The following KCNIP4 variants were observed in gnomAD, a reference collection of about 807,000 sequenced individuals.
KCNIP4 encodes the protein potassium voltage-gated channel interacting protein 4, also known as Kv channel-interacting protein 4.
Under a neutral mutation model 34.0 loss-of-function variants are expected in KCNIP4, and 12 were observed. That is an observed-to-expected ratio of 0.35 (90% CI 0.23 to 0.57). The LOEUF is 0.57. Among genes scored for constraint, KCNIP4 ranks in the 20% least tolerant of loss-of-function variants. The probability of loss-of-function intolerance (pLI) is 0.83; values close to 1 mark genes in which losing one functional copy is unlikely to be tolerated. For synonymous variants in KCNIP4, 124 were observed against 102.2 expected (o/e 1.21, Z -1.29); for missense variants, 238 against 311.7 (o/e 0.76, Z 1.78).
At chr4:21,691,964 C>T (rs1001071303) in intron 1 of KCNIP4, among the ~76,000 whole-genome samples, 8 of 152,140 alleles carry the variant, frequency 5.3e-5, no homozygotes, top group African/African-American at 1.9e-4. Context: ...TCCCAAAGTG[C>T]CGGGATTACA....
chr4:21,076,375 C>T (rs1560699960), intron 1 of KCNIP4, among the ~76,000 whole-genome samples: 2 of 152,066 alleles, frequency 1.3e-5, no homozygotes, highest in South Asian at 2.1e-4. Flanking sequence ...TGTTATGGCT[C>T]TTATAGCCTG....
At chr4:21,266,731 A>T (rs116825893) in intron 1 of KCNIP4, among the ~76,000 whole-genome samples, 1,551 of 152,334 alleles carry the variant, frequency 0.01, 23 homozygotes, top group South Asian at 0.019. Flanking sequence ...ATAGCTGGAA[A>T]ATAAAGCACA....
At chr4:20,876,089 T>C (rs865816173) in intron 2 of KCNIP4, among the ~76,000 whole-genome samples, 11 of 152,208 alleles carry the variant, frequency 7.2e-5, no homozygotes, top group Non-Finnish European at 1.6e-4. Flanking sequence ...TCTAATTTAG[T>C]GAATCAATTA....
chr4:21,152,549 A>G (rs1300549656), intron 1 of KCNIP4, among the ~76,000 whole-genome samples: 3 of 151,634 alleles, frequency 2.0e-5, no homozygotes, highest in Non-Finnish European at 4.4e-5. Context: ...CACTTTTCTA[A>G]TGCAGACATC....
intron 1 of KCNIP4, among the ~76,000 whole-genome samples, chr4:21,233,995 GTATAATATATAACATA>G (rs1329388881): frequency 2.1e-5 from 2 of 94,782 alleles, no homozygotes; most frequent in Non-Finnish European, 4.0e-5. Context: ...CATATAACAT[GTATAATATATAACATA>G]TATAACATAT....
intron 1 of KCNIP4, among the ~76,000 whole-genome samples, chr4:21,471,905 A>G (rs1730499191): frequency 6.6e-6 from 1 of 152,190 alleles, no homozygotes; most frequent in African/African-American, 2.4e-5. Flanking sequence ...AAACCATTTA[A>G]TCGATTTCTA....
At chr4:21,218,088 T>C (rs974527034) in intron 1 of KCNIP4, among the ~76,000 whole-genome samples, 1 of 151,806 alleles carries the variant, frequency 6.6e-6, no homozygotes, top group East Asian at 1.9e-4. Context: ...GGATCTCGGC[T>C]ACCCACAACC....
At chr4:21,028,401 C>T (rs931803821) in intron 1 of KCNIP4, among the ~76,000 whole-genome samples, 2 of 152,188 alleles carry the variant, frequency 1.3e-5, no homozygotes, top group Admixed American at 6.5e-5. Flanking sequence ...CTTAAAACTG[C>T]ACACATGACC....
At chr4:20,952,284 T>C (rs970701633) in intron 1 of KCNIP4, among the ~76,000 whole-genome samples, 1 of 152,146 alleles carries the variant, frequency 6.6e-6, no homozygotes, top group African/African-American at 2.4e-5. Context: ...AGAAACAGAT[T>C]ATATCTAGGC....
chr4:20,796,135 G>C (rs538366398), intron 3 of KCNIP4, among the ~76,000 whole-genome samples: 2 of 152,068 alleles, frequency 1.3e-5, no homozygotes, highest in Admixed American at 1.3e-4. Flanking sequence ...TTTCTTCTTT[G>C]ATCTTAAAGA....
intron 1 of KCNIP4, among the ~76,000 whole-genome samples, chr4:20,959,717 C>CAGAAGGGTT (rs1733664315): frequency 6.6e-6 from 1 of 152,128 alleles, no homozygotes; most frequent in Non-Finnish European, 1.5e-5. Flanking sequence ...TCTCTTCCCA[C>CAGAAGGGTT]CTTGAACCCT....
chr4:21,033,476 G>A (rs187185169), intron 1 of KCNIP4, among the ~76,000 whole-genome samples: 142 of 152,208 alleles, frequency 9.3e-4, no homozygotes, highest in African/African-American at 3.3e-3. Context: ...AATATCCATC[G>A]GTCTATTGCA....
At position 21,595,260 on chromosome 4, in the gene KCNIP4, T is replaced by C. The variant is rs13143644; in HGVS notation, c.61+353311A>G. Among the ~76,000 whole-genome samples the C allele has an allele frequency of 1.9e-3, 291 of 152,226 alleles. 2 individuals carry two copies. The South Asian group carries it at 0.036, about 19-fold the overall frequency. On this transcript the variant is annotated intron_variant, in intron 1 of 8. Transcript: ENST00000382152. ...TGAGATGTTTGGTTTTCTGTTCCTG[T>C]GATAGTTTGCTGAGAATGATGGTTT...
At chr4:21,553,934 T>C (rs532969872) in intron 1 of KCNIP4, among the ~76,000 whole-genome samples, 1 of 152,250 alleles carries the variant, frequency 6.6e-6, no homozygotes, top group South Asian at 2.1e-4. Flanking sequence ...TCACAGGTTT[T>C]CTCAGGCTTA....
At chr4:21,195,927 C>T (rs1446731285) in intron 1 of KCNIP4, among the ~76,000 whole-genome samples, 1 of 152,110 alleles carries the variant, frequency 6.6e-6, no homozygotes, top group African/African-American at 2.4e-5. Flanking sequence ...GTCGAGTAAG[C>T]ATCATTCCTG....
intron 1 of KCNIP4, among the ~76,000 whole-genome samples, chr4:21,150,828 A>G (rs867267599): frequency 3.9e-4 from 60 of 152,226 alleles, no homozygotes; most frequent in African/African-American, 1.3e-3. Context: ...AAATAAAGGC[A>G]ATCTGCTGAC....
chr4:21,297,779 CT>C (rs34375095), intron 1 of KCNIP4, among the ~76,000 whole-genome samples: 49,628 of 151,554 alleles, frequency 0.33, 8,547 homozygotes, highest in Middle Eastern at 0.43. Flanking sequence ...AGTACCTATG[CT>C]TTTACTAATG....
intron 1 of KCNIP4, among the ~76,000 whole-genome samples, chr4:21,389,716 G>A (rs1005564438): frequency 4.6e-5 from 7 of 151,996 alleles, no homozygotes; most frequent in Non-Finnish European, 8.8e-5. Flanking sequence ...GGACATTTGC[G>A]TTGGTTCCAA....
At chr4:20,951,251 T>C (rs1732760256) in intron 1 of KCNIP4, among the ~76,000 whole-genome samples, 1 of 152,162 alleles carries the variant, frequency 6.6e-6, no homozygotes. Flanking sequence ...TGGTACCCCC[T>C]GGTCTGACTT....
Sources: allele counts gnomAD v4.1 joint callset (sites outside exome capture counted in the v4.1 genomes callset), GRCh38; gene constraint gnomAD v4.1.1; transcripts MANE v1.5; gene names NCBI Gene and HGNC (gene_info 2026-07-23, HGNC 2026-07-21).